ASAP1: variants seen among roughly 807,000 people sequenced by gnomAD.
ASAP1 encodes ArfGAP with SH3 domain, ankyrin repeat and PH domain 1.
ASAP1 carries 43 observed loss-of-function variants against 145.2 expected under a neutral mutation model. That is an observed-to-expected ratio of 0.30 (90% confidence interval 0.23 to 0.38). The LOEUF is 0.38. Among genes scored for constraint, ASAP1 ranks in the 10% least tolerant of loss-of-function variants. ASAP1 has a pLI of 1.00. For synonymous variants in ASAP1, 546 were observed against 515.5 expected, an observed-to-expected ratio of 1.06 and a Z score of -0.80; for missense variants, 1,018 against 1,355.3, an observed-to-expected ratio of 0.75 and a Z score of 3.91.
At chr8:130,186,812 C>CA (rs1032314365) in intron 7 of ASAP1, among the ~76,000 whole-genome samples, 12 of 152,020 alleles carry the variant, frequency 7.9e-5, no homozygotes, top group Admixed American at 5.2e-4. Flanking sequence ...GTCATACATG[C>CA]AAAAAACACT....
intron 4 of ASAP1, among the ~76,000 whole-genome samples, chr8:130,235,760 G>A (rs575901584): frequency 1.3e-5 from 2 of 152,232 alleles, no homozygotes; most frequent in East Asian, 3.9e-4. Flanking sequence ...TAAAAAACAA[G>A]AGAATATTAG....
At chr8:130,387,540 G>GAAA (rs772010696) in intron 2 of ASAP1, among the ~76,000 whole-genome samples, 2 of 91,442 alleles carry the variant, frequency 2.2e-5, no homozygotes, top group Non-Finnish European at 2.3e-5. Flanking sequence ...CATCAAGAAA[G>GAAA]AAAAAAAAAA....
chr8:130,269,895 C>T (rs901253116), intron 3 of ASAP1, among the ~76,000 whole-genome samples: 2 of 152,208 alleles, frequency 1.3e-5, no homozygotes, highest in Admixed American at 1.3e-4. Context: ...TCAGGCCAGG[C>T]ATGGTGGCTC....
At chr8:130,184,881 T>C (rs1814613554) in intron 7 of ASAP1, among the ~76,000 whole-genome samples, 1 of 152,202 alleles carries the variant, frequency 6.6e-6, no homozygotes, top group Admixed American at 6.5e-5. Context: ...AAGTAGGTAA[T>C]TTTTATATTA....
Position 130,443,522 on chromosome 8 carries a change from C to G in ASAP1, c.-90G>C, listed in dbSNP as rs1014946273. 1 of 150,932 alleles carries G rather than the reference C, an allele frequency of 6.6e-6. No individual in the cohort carries two copies. Among genetic ancestry groups the G allele is most frequent in the African/African-American group, 2.4e-5 (1 of 41,314 alleles). The allele number at this position is 150,932 out of a possible 1,614,324, so 9.3% of individuals were successfully genotyped here. A position where few individuals can be genotyped will look rare whatever the true frequency, so the allele number is the denominator to read the frequency against. Reference sequence around the variant, plus strand: ...GGTTCGGCCGGGCGCTCGCGGCTCTCGGGTGGGAAAGCGAACTGCGACCGG... The same window carrying G: ...GGTTCGGCCGGGCGCTCGCGGCTCTGGGGTGGGAAAGCGAACTGCGACCGG... On this transcript the variant is annotated 5_prime_UTR_variant, in exon 1 of 30. Transcript: ENST00000518721.
chr8:130,250,652 A>G (rs1819136396), intron 3 of ASAP1, among the ~76,000 whole-genome samples: 1 of 152,070 alleles, frequency 6.6e-6, no homozygotes, highest in African/African-American at 2.4e-5. Flanking sequence ...TAATAAGGAG[A>G]GAAAGACCTA....
intron 3 of ASAP1, among the ~76,000 whole-genome samples, chr8:130,328,023 A>T (rs564711848): frequency 3.8e-4 from 58 of 152,228 alleles, no homozygotes; most frequent in Non-Finnish European, 2.9e-4. Context: ...GCAAAAGAAA[A>T]ATATATATAT....
At chr8:130,390,933 T>TCTC (rs1828248667) in intron 2 of ASAP1, among the ~76,000 whole-genome samples, 2 of 133,148 alleles carry the variant, frequency 1.5e-5, no homozygotes, top group African/African-American at 3.2e-5. Context: ...TGGGTATATA[T>TCTC]CCCCCGCCCC....
chr8:130,174,443 A>G (rs1813812416), intron 9 of ASAP1, among the ~76,000 whole-genome samples: 1 of 152,006 alleles, frequency 6.6e-6, no homozygotes, highest in Non-Finnish European at 1.5e-5. Context: ...CAAGATCTTC[A>G]AAAACCAGTA....
chr8:130,276,746 T>TCTCTCTC (rs1554867275), intron 3 of ASAP1, among the ~76,000 whole-genome samples: 3 of 150,638 alleles, frequency 2.0e-5, no homozygotes, highest in African/African-American at 7.4e-5. Context: ...TCTCTCTCTC[T>TCTCTCTC]CTCTCTCTCT....
At chr8:130,124,642 G>C (rs2097572080) in intron 17 of ASAP1, among the ~76,000 whole-genome samples, 1 of 152,156 alleles carries the variant, frequency 6.6e-6, no homozygotes, top group African/African-American at 2.4e-5. Context: ...TTTGCTTCTG[G>C]GTTCAAGAGC....
chr8:130,156,951 T>C (rs999952016), intron 12 of ASAP1, among the ~76,000 whole-genome samples: 3 of 152,228 alleles, frequency 2.0e-5, no homozygotes, highest in South Asian at 2.1e-4. Flanking sequence ...AAGAAGATCA[T>C]TGTGATTTCG....
At chr8:130,158,369 T>C (rs1289872668) in intron 12 of ASAP1, among the ~76,000 whole-genome samples, 1 of 147,558 alleles carries the variant, frequency 6.8e-6, no homozygotes, top group Non-Finnish European at 1.5e-5. Flanking sequence ...AAAAAAAGTA[T>C]CCAGGCATGG....
At chr8:130,276,664 G>A (rs1028443828) in intron 3 of ASAP1, among the ~76,000 whole-genome samples, 5 of 143,686 alleles carry the variant, frequency 3.5e-5, no homozygotes, top group African/African-American at 1.3e-4. Context: ...CAGGCCAAAC[G>A]TGAACTGAGA....
At chr8:130,240,172 T>C (rs1243255200) in intron 3 of ASAP1, among the ~76,000 whole-genome samples, 1 of 152,106 alleles carries the variant, frequency 6.6e-6, no homozygotes, top group Non-Finnish European at 1.5e-5. Context: ...GGGTACAGTC[T>C]CAGAATTTCT....
At chr8:130,278,612 A>G (rs573223545) in intron 3 of ASAP1, among the ~76,000 whole-genome samples, 1 of 152,328 alleles carries the variant, frequency 6.6e-6, no homozygotes, top group South Asian at 2.1e-4. Context: ...TTTTGCAGCT[A>G]AGAGTGCAAA....
At chr8:130,441,592 T>C (rs1418450946) in intron 1 of ASAP1, among the ~76,000 whole-genome samples, 1 of 152,196 alleles carries the variant, frequency 6.6e-6, no homozygotes, top group African/African-American at 2.4e-5. Context: ...TTCAGTCACC[T>C]AGGTGCAGCA....
intron 24 of ASAP1, among the ~76,000 whole-genome samples, chr8:130,094,502 C>T (rs563585594): frequency 6.6e-6 from 1 of 151,972 alleles, no homozygotes; most frequent in African/African-American, 2.4e-5. Flanking sequence ...GTCACCACGC[C>T]TAGTCTAAAT....
At chr8:130,251,835 T>C (rs1454171112) in intron 3 of ASAP1, among the ~76,000 whole-genome samples, 9 of 152,148 alleles carry the variant, frequency 5.9e-5, no homozygotes, top group South Asian at 2.1e-4. Context: ...ATAAAATGCA[T>C]TTTTTATCCT....
Sources: allele counts gnomAD v4.1 joint callset (sites outside exome capture counted in the v4.1 genomes callset), GRCh38; gene constraint gnomAD v4.1.1; transcripts MANE v1.5; gene names NCBI Gene and HGNC (gene_info 2026-07-23, HGNC 2026-07-21).